Variants in RBFOX1 observed in about 807,000 individuals in gnomAD.
RBFOX1 encodes RNA binding fox-1 homolog 1, also known as RNA binding protein fox-1 homolog 1.
RBFOX1 carries 8 observed loss-of-function variants against 57.7 expected under a neutral mutation model. That is an observed-to-expected ratio of 0.14 (90% CI 0.08 to 0.25). The LOEUF is 0.25. Ranked by LOEUF, RBFOX1 falls within the 10% of genes least tolerant of loss-of-function variation. The probability of loss-of-function intolerance (pLI) is 1.00; values close to 1 mark genes in which losing one functional copy is unlikely to be tolerated. For missense variants in RBFOX1, 611 were observed against 548.5 expected, an observed-to-expected ratio of 1.11 and a Z score of -1.14; for synonymous variants, 326 against 222.4, an observed-to-expected ratio of 1.47 and a Z score of -4.15.
chr16:7,383,558 A>G (rs2097822278), intron 4 of RBFOX1, among the ~76,000 whole-genome samples: 1 of 152,160 alleles, frequency 6.6e-6, no homozygotes, highest in South Asian at 2.1e-4. Context: ...CTTTCCTGAC[A>G]TATTGACCTC....
rs145452078 is a variant in RBFOX1 at position 6,004,733 on chromosome 16, C to G, written c.351+137398C>G. Among the ~76,000 whole-genome samples the G allele has an allele frequency of 5.5e-3, 841 of 152,288 alleles. 8 individuals carry two copies. Among genetic ancestry groups the G allele is most frequent in the African/African-American group, 0.019 (788 of 41,562 alleles). ...CATCAGGGTATATTGATACTCGGCC[C>G]TAAGATTGTTCTAATAAGCTTTATT... On this transcript the variant is annotated intron_variant, in intron 4 of 19. Transcript: ENST00000641259.
chr16:7,559,757 C>T (rs567956752), intron 5 of RBFOX1, among the ~76,000 whole-genome samples: 11 of 152,320 alleles, frequency 7.2e-5, no homozygotes, highest in Admixed American at 6.5e-4. Flanking sequence ...CATCTACCCT[C>T]CTTAGTCTTT....
chr16:6,362,505 T>A (rs941368758), intron 2 of RBFOX1, among the ~76,000 whole-genome samples: 1 of 152,246 alleles, frequency 6.6e-6, no homozygotes, highest in African/African-American at 2.4e-5. Context: ...CTGTTGGCAC[T>A]GGCTCACGCA....
At chr16:6,920,815 G>C (rs993015266) in intron 3 of RBFOX1, among the ~76,000 whole-genome samples, 2 of 152,176 alleles carry the variant, frequency 1.3e-5, no homozygotes, top group Admixed American at 6.6e-5. Flanking sequence ...CTGAATCCAG[G>C]ATGATTCCAT....
At chr16:6,690,556 C>G (rs977671182) in intron 3 of RBFOX1, among the ~76,000 whole-genome samples, 2 of 5,964 alleles carry the variant, frequency 3.4e-4, no homozygotes, top group Non-Finnish European at 5.2e-3. Flanking sequence ...ATCATCGTTT[C>G]AAAACTATAC....
chr16:6,517,672 C>G (rs981693105), intron 2 of RBFOX1, among the ~76,000 whole-genome samples: 3 of 152,158 alleles, frequency 2.0e-5, no homozygotes, highest in Admixed American at 6.5e-5. Flanking sequence ...AATAAACTGG[C>G]CTCTTTCCTA....
At chr16:5,526,897 G>A (rs143765253) in intron 2 of RBFOX1, among the ~76,000 whole-genome samples, 198 of 152,238 alleles carry the variant, frequency 1.3e-3, no homozygotes, top group Non-Finnish European at 2.3e-3. Flanking sequence ...GTGTGACCTT[G>A]GGCACATTTG....
At chr16:5,681,839 G>T (rs1411656924) in intron 3 of RBFOX1, among the ~76,000 whole-genome samples, 2 of 152,156 alleles carry the variant, frequency 1.3e-5, no homozygotes, top group African/African-American at 4.8e-5. Flanking sequence ...ACGGGAGTGG[G>T]GGAGGGAGAG....
intron 3 of RBFOX1, among the ~76,000 whole-genome samples, chr16:6,998,059 A>G (rs8051116): frequency 0.26 from 39,624 of 151,924 alleles, 5,992 homozygotes; most frequent in South Asian, 0.4. Flanking sequence ...AAATGCTGAG[A>G]TTTAGAAAAA....
intron 1 of RBFOX1, among the ~76,000 whole-genome samples, chr16:5,345,374 A>G (rs780905006): frequency 1.3e-5 from 2 of 152,114 alleles, no homozygotes; most frequent in Non-Finnish European, 2.9e-5. Flanking sequence ...ACAAGGTAAC[A>G]CAAAGCACCC....
chr16:7,247,285 G>A (rs1219899207), intron 4 of RBFOX1, among the ~76,000 whole-genome samples: 1 of 152,126 alleles, frequency 6.6e-6, no homozygotes, highest in African/African-American at 2.4e-5. Flanking sequence ...ACTCGCTGCC[G>A]GTTAACATTC....
At chr16:6,405,729 C>T (rs189552158) in intron 2 of RBFOX1, among the ~76,000 whole-genome samples, 23 of 152,290 alleles carry the variant, frequency 1.5e-4, no homozygotes, top group African/African-American at 5.3e-4. Flanking sequence ...TTCCACAGAA[C>T]AGCTGGAGTC....
At chr16:5,705,396 G>A (rs755553651) in intron 3 of RBFOX1, among the ~76,000 whole-genome samples, 3 of 152,066 alleles carry the variant, frequency 2.0e-5, no homozygotes, top group Non-Finnish European at 4.4e-5. Context: ...TGAGTAGCTG[G>A]GACTACAGGC....
At chr16:7,326,873 C>A (rs1603622702) in intron 4 of RBFOX1, among the ~76,000 whole-genome samples, 1 of 152,288 alleles carries the variant, frequency 6.6e-6, no homozygotes, top group African/African-American at 2.4e-5. Flanking sequence ...GGGCCCCTGG[C>A]AGCCCCTCCA....
chr16:5,811,261 G>T (rs1375754764), intron 3 of RBFOX1, among the ~76,000 whole-genome samples: 1 of 144,974 alleles, frequency 6.9e-6, no homozygotes, highest in Non-Finnish European at 1.5e-5. Context: ...AGCCTCCCAA[G>T]TAGCTGGGAT....
At chr16:7,558,391 C>T (rs1013428140) in intron 5 of RBFOX1, among the ~76,000 whole-genome samples, 1 of 151,886 alleles carries the variant, frequency 6.6e-6, no homozygotes, top group Non-Finnish European at 1.5e-5. Context: ...CGCGCACACA[C>T]TCACACACAT....
intron 3 of RBFOX1, among the ~76,000 whole-genome samples, chr16:7,041,703 A>G (rs906705686): frequency 1.3e-5 from 2 of 152,216 alleles, no homozygotes; most frequent in African/African-American, 2.4e-5. Flanking sequence ...AGTGTCATTA[A>G]TTTAGCCAAA....
chr16:6,499,676 C>T (rs1234878865), intron 2 of RBFOX1, among the ~76,000 whole-genome samples: 2 of 151,956 alleles, frequency 1.3e-5, no homozygotes, highest in East Asian at 1.9e-4. Flanking sequence ...AACATCACTT[C>T]AGTGACCCCA....
At chr16:5,857,515 A>C (rs969735449) in intron 3 of RBFOX1, among the ~76,000 whole-genome samples, 7 of 152,320 alleles carry the variant, frequency 4.6e-5, no homozygotes, top group Middle Eastern at 3.4e-3. Flanking sequence ...AATGAAGTGC[A>C]ATAAAATGAC....
Sources: gnomAD v4.1 joint callset for allele counts (sites outside exome capture counted in the v4.1 genomes callset) on GRCh38, gnomAD v4.1.1 for gene constraint, MANE v1.5 for transcripts, NCBI Gene and HGNC (gene_info 2026-07-23, HGNC 2026-07-21) for gene names.